The following TRPC4 variants were observed in gnomAD, a reference collection of about 807,000 sequenced individuals.
TRPC4 encodes the protein transient receptor potential cation channel subfamily C member 4.
A neutral mutation model predicts 99.4 loss-of-function variants in TRPC4; 49 were observed. The observed-to-expected ratio is 0.49, with a 90% confidence interval of 0.39 to 0.63. The LOEUF is 0.63. Ranked by LOEUF, TRPC4 falls within the 20% of genes least tolerant of loss-of-function variation. TRPC4 has a pLI of 0.00. For missense variants in TRPC4, 898 were observed against 1,152.9 expected, an observed-to-expected ratio of 0.78 and a Z score of 3.20; for synonymous variants, 454 against 425.9, an observed-to-expected ratio of 1.07 and a Z score of -0.81.
At chr13:37,709,859 A>G (rs530128046) in intron 3 of TRPC4, among the ~76,000 whole-genome samples, 284 of 152,164 alleles carry the variant, frequency 1.9e-3, no homozygotes, top group Admixed American at 4.5e-3. Flanking sequence ...ATTTTTTTAG[A>G]ATAAATGAAT....
chr13:37,716,241 C>A (rs1173298519), intron 3 of TRPC4, among the ~76,000 whole-genome samples: 1 of 152,052 alleles, frequency 6.6e-6, no homozygotes, highest in Non-Finnish European at 1.5e-5. Context: ...AATCACCTTA[C>A]CCTTCAAGGT....
intron 6 of TRPC4, among the ~76,000 whole-genome samples, chr13:37,656,176 G>A (rs920605621): frequency 6.6e-6 from 1 of 152,010 alleles, no homozygotes; most frequent in Non-Finnish European, 1.5e-5. Context: ...ATAAGCTGAG[G>A]ACTATCTGAA....
chr13:37,727,150 T>C (rs73168457), intron 3 of TRPC4, among the ~76,000 whole-genome samples: 3,679 of 152,150 alleles, frequency 0.024, 80 homozygotes, highest in East Asian at 0.062. Flanking sequence ...CCAGTGAACA[T>C]GGGACATTTT....
intron 1 of TRPC4, among the ~76,000 whole-genome samples, chr13:37,809,531 A>G: frequency 6.6e-6 from 1 of 151,266 alleles, no homozygotes; most frequent in East Asian, 1.9e-4. Context: ...GAGTAATTCC[A>G]CCTATCTCAA....
intron 1 of TRPC4, among the ~76,000 whole-genome samples, chr13:37,816,309 T>C (rs966822505): frequency 2.0e-5 from 3 of 151,772 alleles, no homozygotes; most frequent in South Asian, 4.1e-4. Context: ...ATACACACAC[T>C]GACAATATTA....
intron 8 of TRPC4, among the ~76,000 whole-genome samples, chr13:37,648,280 A>G (rs1258816364): frequency 6.6e-6 from 1 of 152,168 alleles, no homozygotes; most frequent in African/African-American, 2.4e-5. Context: ...CTTATAAATT[A>G]TACCTATCAT....
At chr13:37,742,007 A>G (rs745788495) in intron 3 of TRPC4, among the ~76,000 whole-genome samples, 5 of 152,018 alleles carry the variant, frequency 3.3e-5, no homozygotes, top group Non-Finnish European at 7.4e-5. Context: ...TAAACCATGT[A>G]AACAACTTAA....
chr13:37,656,457 T>A (rs1228056284), intron 6 of TRPC4, among the ~76,000 whole-genome samples: 1 of 152,130 alleles, frequency 6.6e-6, no homozygotes, highest in African/African-American at 2.4e-5. Context: ...AGTGGCATTG[T>A]CCCCTGTATG....
At chr13:37,860,470 C>T (rs1230652547) in intron 1 of TRPC4, among the ~76,000 whole-genome samples, 1 of 151,376 alleles carries the variant, frequency 6.6e-6, no homozygotes, top group African/African-American at 2.4e-5. Context: ...AACCTGAAAT[C>T]TCCTTTCTTA....
At chr13:37,714,334 C>A (rs1378872032) in intron 3 of TRPC4, among the ~76,000 whole-genome samples, 2 of 152,104 alleles carry the variant, frequency 1.3e-5, no homozygotes, top group African/African-American at 4.8e-5. Context: ...ACCACGTTCA[C>A]AAGACTGGTC....
At chr13:37,689,223 C>T (rs907941656) in intron 4 of TRPC4, among the ~76,000 whole-genome samples, 3 of 152,144 alleles carry the variant, frequency 2.0e-5, no homozygotes, top group African/African-American at 7.2e-5. Context: ...GATGAAGACA[C>T]TGAAAATCCT....
intron 3 of TRPC4, among the ~76,000 whole-genome samples, chr13:37,694,429 G>T (rs1453977814): frequency 6.6e-6 from 1 of 152,062 alleles, no homozygotes; most frequent in Non-Finnish European, 1.5e-5. Flanking sequence ...TGTTCTTCCT[G>T]GTCAAATCTC....
intron 1 of TRPC4, among the ~76,000 whole-genome samples, chr13:37,868,576 A>T (rs1209262708): frequency 2.6e-5 from 4 of 152,122 alleles, no homozygotes; most frequent in African/African-American, 9.7e-5. Context: ...GGCAGAAATT[A>T]TATGAGCTCT....
intron 2 of TRPC4, among the ~76,000 whole-genome samples, chr13:37,773,651 T>A (rs2139302707): frequency 6.6e-6 from 1 of 151,858 alleles, no homozygotes; most frequent in Middle Eastern, 3.4e-3. Flanking sequence ...CTTTTTAAAA[T>A]GACAATAATG....
intron 3 of TRPC4, among the ~76,000 whole-genome samples, chr13:37,726,678 G>T (rs1955072430): frequency 6.6e-6 from 1 of 152,010 alleles, no homozygotes; most frequent in Admixed American, 6.6e-5. Flanking sequence ...GAATGAATAA[G>T]ACATGGCTCA....
intron 2 of TRPC4, among the ~76,000 whole-genome samples, chr13:37,769,880 C>A (rs922276304): frequency 6.6e-6 from 1 of 151,580 alleles, no homozygotes; most frequent in Middle Eastern, 3.4e-3. Context: ...TAACATTAAA[C>A]CAGATCTAAA....
chr13:37,777,595 T>C (rs542113181), intron 2 of TRPC4, among the ~76,000 whole-genome samples: 1 of 151,828 alleles, frequency 6.6e-6, no homozygotes, highest in Non-Finnish European at 1.5e-5. Flanking sequence ...ATTTTTCAAA[T>C]GAAAAAAGAG....
chr13:37,659,490 G>T (rs765171997), intron 6 of TRPC4, among the ~76,000 whole-genome samples: 16 of 152,042 alleles, frequency 1.1e-4, no homozygotes, highest in Non-Finnish European at 2.1e-4. Flanking sequence ...TTTCTTCATT[G>T]CAACAAAAAT....
chr13:37,863,385 C>A (rs1959521375), intron 1 of TRPC4, among the ~76,000 whole-genome samples: 1 of 151,596 alleles, frequency 6.6e-6, no homozygotes, highest in African/African-American at 2.4e-5. Flanking sequence ...CTCAAGCAGT[C>A]TCCCACTCTT....
Sources: gnomAD v4.1 joint callset for allele counts (sites outside exome capture counted in the v4.1 genomes callset) on GRCh38, gnomAD v4.1.1 for gene constraint, MANE v1.5 for transcripts, NCBI Gene and HGNC (gene_info 2026-07-23, HGNC 2026-07-21) for gene names.